PREX2: variants seen among roughly 807,000 people sequenced by gnomAD.
The protein encoded by PREX2 is phosphatidylinositol 3,4,5-trisphosphate-dependent Rac exchanger 2 protein.
PREX2 carries 107 observed loss-of-function variants against 203.2 expected under a neutral mutation model. The ratio of observed to expected loss-of-function variants is 0.53; its 90% CI spans 0.45 to 0.62. The LOEUF is 0.62. PREX2 is among the 20% of genes least tolerant of loss of function. The pLI, the probability that PREX2 is intolerant of heterozygous loss-of-function variation, is 0.00. For missense variants in PREX2, 1,777 were observed against 1,955.9 expected, an observed-to-expected ratio of 0.91 and a Z score of 1.72; for synonymous variants, 672 against 663.6, an observed-to-expected ratio of 1.01 and a Z score of -0.19.
chr8:68,038,147 C>T lies in PREX2; in HGVS notation c.706-12C>T, dbSNP rs370763894. The T allele has an allele frequency of 6.2e-7, 1 of 1,610,460 alleles. No individual in the cohort carries two copies. The highest frequency in any genetic ancestry group is 8.5e-7 in the Non-Finnish European group (1 of 1,177,966). ...AAGTAAGCAGACATTAATTGCATTT[C>T]TCCTGACTTAGGGGTCCAACATCAC... is the stretch of plus-strand genomic sequence containing the variant. On this transcript the variant is annotated splice_polypyrimidine_tract_variant and intron_variant, in intron 6 of 39. Coordinates refer to ENST00000288368, the MANE Select transcript of PREX2 (RefSeq NM_024870.4).
At chr8:68,161,107 G>A (rs531226244) in intron 35 of PREX2, among the ~76,000 whole-genome samples, 5 of 141,318 alleles carry the variant, frequency 3.5e-5, no homozygotes, top group Non-Finnish European at 7.7e-5. Context: ...CTTTTTTTTT[G>A]GGGGGGGGAC....
At chr8:67,971,563 A>G (rs1405692224) in intron 1 of PREX2, among the ~76,000 whole-genome samples, 1 of 152,202 alleles carries the variant, frequency 6.6e-6, no homozygotes, top group South Asian at 2.1e-4. Flanking sequence ...AATAGGTAAT[A>G]TCATAATAGA....
chr8:68,067,998 A>G (rs1030945627), intron 11 of PREX2, among the ~76,000 whole-genome samples: 7 of 151,986 alleles, frequency 4.6e-5, no homozygotes. Context: ...TATTCTGTTA[A>G]TGTGATGCAT....
In PREX2 at chr8:68,083,209, T is replaced by G. The variant is rs202155070; in HGVS notation, c.1879-31T>G. ...CTCAAAATTTCTTATTAAAATATAC[T>G]TTGACTTATTTTTTGTAATTTCTCT... On this transcript the variant is annotated intron_variant, in intron 17 of 39. Coordinates refer to ENST00000288368, the MANE Select transcript of PREX2 (RefSeq NM_024870.4). 4.1e-4 allele frequency: 628 copies of G among 1,520,620 alleles called. 3 individuals carry two copies. The African/African-American group carries it at 7.6e-3, about 18-fold the overall frequency. 94.2% of individuals were successfully genotyped at this position (1,520,620 alleles called of 1,614,324 possible).
intron 35 of PREX2, among the ~76,000 whole-genome samples, chr8:68,169,001 A>G (rs182860196): frequency 2.2e-4 from 34 of 152,212 alleles, no homozygotes; most frequent in Admixed American, 1.6e-3. Context: ...TCAAACTGGC[A>G]TAAGTAAAAT....
At chr8:68,052,001 C>T (rs559303068) in intron 8 of PREX2, among the ~76,000 whole-genome samples, 2 of 151,852 alleles carry the variant, frequency 1.3e-5, no homozygotes, top group East Asian at 1.9e-4. Context: ...TTGGAGCTAA[C>T]GAAAAAGACT....
chr8:68,016,514 C>T (rs751897196), intron 1 of PREX2, among the ~76,000 whole-genome samples: 8 of 152,022 alleles, frequency 5.3e-5, no homozygotes, highest in Non-Finnish European at 1.0e-4. Context: ...CCAATTTTTC[C>T]ATTTTGGTAA....
intron 2 of PREX2, among the ~76,000 whole-genome samples, chr8:68,018,535 A>T (rs1807472586): frequency 6.6e-6 from 1 of 152,142 alleles, no homozygotes; most frequent in South Asian, 2.1e-4. Context: ...AGAAGGAGGG[A>T]GCTGAGCCGT....
chr8:68,108,612 T>C (rs1412146530), intron 24 of PREX2, among the ~76,000 whole-genome samples: 1 of 152,222 alleles, frequency 6.6e-6, no homozygotes, highest in Non-Finnish European at 1.5e-5. Context: ...TGAAAGCTGC[T>C]GATCTGAAAT....
intron 35 of PREX2, among the ~76,000 whole-genome samples, chr8:68,187,384 G>A (rs942428976): frequency 4.6e-5 from 7 of 152,082 alleles, no homozygotes; most frequent in African/African-American, 1.4e-4. Flanking sequence ...GAAGGCTTTG[G>A]CCTTAATATT....
chr8:67,964,272 T>C (rs1454927262), intron 1 of PREX2, among the ~76,000 whole-genome samples: 1 of 152,194 alleles, frequency 6.6e-6, no homozygotes, highest in Non-Finnish European at 1.5e-5. Context: ...CTTTGTAACA[T>C]GGCTAATCCA....
chr8:68,128,723 A>G (rs968418948), intron 31 of PREX2, among the ~76,000 whole-genome samples: 2 of 152,208 alleles, frequency 1.3e-5, no homozygotes, highest in African/African-American at 4.8e-5. Flanking sequence ...TGGCCCCAGC[A>G]TGTAACTGGC....
chr8:68,197,521 C>A (rs532613638), intron 37 of PREX2, among the ~76,000 whole-genome samples: 1 of 151,886 alleles, frequency 6.6e-6, no homozygotes, highest in Admixed American at 6.6e-5. Flanking sequence ...TATAAATCAC[C>A]CAGTCTCAGG....
Position 68,233,559 on chromosome 8 carries a change from A to AGGG in PREX2, c.*2181_*2182insGGG, listed in dbSNP as rs1313284813. 1 of 152,112 alleles carries AGGG rather than the reference A, an allele frequency of 6.6e-6. No homozygotes were observed. The highest frequency in any genetic ancestry group is 2.4e-5 in the African/African-American group (1 of 41,436). 9.4% of individuals were successfully genotyped at this position (152,112 alleles called of 1,614,324 possible). ...GTAATGGTTTATATTAACATCAGTCACTCTAACTTCTGATCGTAATAAAAA... is the reference window on the plus strand; with the variant it reads ...GTAATGGTTTATATTAACATCAGTCAGGGCTCTAACTTCTGATCGTAATAAAAA... On this transcript the variant is annotated 3_prime_UTR_variant, in exon 40 of 40. Coordinates refer to ENST00000288368, the MANE Select transcript of PREX2 (RefSeq NM_024870.4).
Position 68,090,657 on chromosome 8 carries a change from C to A in PREX2, c.2192C>A (p.Thr731Lys). 6.2e-7 allele frequency: 1 copy of A among 1,614,010 alleles called. No individual in the cohort carries two copies. Among genetic ancestry groups the A allele is most frequent in the Non-Finnish European group, 8.5e-7 (1 of 1,179,912 alleles). ...AATGGAATCAATGTCAGCAAAGAGA[C>A]ACATGCCAGTGTCATTGCACACGTT... Reference protein sequence around the residue: ...KVNGINVSKETHASVIAHVTA... With the variant: ...KVNGINVSKEKHASVIAHVTA... The change falls in exon 20 of 40, where the codon ACA (threonine) becomes AAA (lysine). Residue 731 changes from threonine (T) to lysine (K), a missense_variant. Physicochemically the swap from Thr to Lys is moderately conservative, Grantham distance 78. Transcript: ENST00000288368.
At chr8:68,145,501 A>G (rs1233348378) in intron 33 of PREX2, among the ~76,000 whole-genome samples, 1 of 152,190 alleles carries the variant, frequency 6.6e-6, no homozygotes, top group Admixed American at 6.6e-5. Flanking sequence ...TTAACTGGTT[A>G]TTATGACTAT....
At chr8:67,969,075 G>A (rs906440933) in intron 1 of PREX2, among the ~76,000 whole-genome samples, 4 of 152,180 alleles carry the variant, frequency 2.6e-5, no homozygotes, top group African/African-American at 9.6e-5. Flanking sequence ...TCAGGTTGTC[G>A]TGTGGCTGGG....
chr8:68,202,114 C>T (rs920082801), intron 37 of PREX2, among the ~76,000 whole-genome samples: 11 of 151,940 alleles, frequency 7.2e-5, no homozygotes, highest in African/African-American at 1.7e-4. Flanking sequence ...CGTGGCCAGA[C>T]GGGTCTTGAA....
chr8:68,076,371 C>T (rs1027267169), intron 14 of PREX2, among the ~76,000 whole-genome samples: 1 of 151,920 alleles, frequency 6.6e-6, no homozygotes, highest in Non-Finnish European at 1.5e-5. Flanking sequence ...GTGGGAGAAT[C>T]GCTTGAACCA....
Sources: gnomAD v4.1 joint callset for allele counts (sites outside exome capture counted in the v4.1 genomes callset) on GRCh38, gnomAD v4.1.1 for gene constraint, MANE v1.5 for transcripts, NCBI Gene and HGNC (gene_info 2026-07-23, HGNC 2026-07-21) for gene names.